Variants in RAD51B observed in about 807,000 individuals in gnomAD.
RAD51B encodes DNA repair protein RAD51 homolog 2.
A neutral mutation model predicts 42.2 loss-of-function variants in RAD51B; 38 were observed. That is an observed-to-expected ratio of 0.90 (90% CI 0.70 to 1.18). RAD51B has a LOEUF of 1.18. Ranked by LOEUF, RAD51B falls within the 50% of genes most tolerant of loss-of-function variation. RAD51B has a pLI of 0.00. For synonymous variants in RAD51B, 154 were observed against 145.2 expected, an observed-to-expected ratio of 1.06 and a Z score of -0.43; for missense variants, 373 against 400.7, an observed-to-expected ratio of 0.93 and a Z score of 0.59.
At chr14:68,321,859 TCC>T (rs1371220639) in intron 8 of RAD51B, among the ~76,000 whole-genome samples, 1 of 152,092 alleles carries the variant, frequency 6.6e-6, no homozygotes, top group Non-Finnish European at 1.5e-5. Flanking sequence ...CCAATTATCC[TCC>T]CACTTCAGCC....
chr14:68,043,128 C>T (rs1478750323), intron 7 of RAD51B, among the ~76,000 whole-genome samples: 2 of 152,098 alleles, frequency 1.3e-5, no homozygotes, highest in African/African-American at 2.4e-5. Flanking sequence ...AGTTTATTTA[C>T]CTAGAGCTTC....
chr14:68,369,693 C>T (rs1453228614), intron 8 of RAD51B, among the ~76,000 whole-genome samples: 1 of 152,166 alleles, frequency 6.6e-6, no homozygotes, highest in Middle Eastern at 3.2e-3. Context: ...AGGTTTCATT[C>T]CAGAGCCTCT....
chr14:68,066,973 GA>G (rs1438043734), intron 7 of RAD51B, among the ~76,000 whole-genome samples: 1 of 151,970 alleles, frequency 6.6e-6, no homozygotes, highest in East Asian at 1.9e-4. Flanking sequence ...AACAAAATGG[GA>G]AAAAATGGAA....
At chr14:68,623,109 G>T (rs554333274) in intron 10 of RAD51B, among the ~76,000 whole-genome samples, 1 of 152,126 alleles carries the variant, frequency 6.6e-6, no homozygotes, top group African/African-American at 2.4e-5. Context: ...GAGGGTGAAG[G>T]GTTCTTGGAA....
intron 7 of RAD51B, among the ~76,000 whole-genome samples, chr14:68,221,329 G>T (rs1337854558): frequency 1.3e-5 from 2 of 152,002 alleles, no homozygotes; most frequent in African/African-American, 4.8e-5. Context: ...CATGGTACTG[G>T]TATAAAAATA....
At chr14:68,006,661 T>C (rs1370017470) in intron 7 of RAD51B, among the ~76,000 whole-genome samples, 1 of 152,138 alleles carries the variant, frequency 6.6e-6, no homozygotes, top group Non-Finnish European at 1.5e-5. Context: ...AATACTTTCA[T>C]AGTATTTAAT....
intron 7 of RAD51B, among the ~76,000 whole-genome samples, chr14:68,234,339 G>A (rs866121885): frequency 5.3e-5 from 8 of 152,188 alleles, no homozygotes; most frequent in South Asian, 2.1e-4. Context: ...GAAGTCCAAT[G>A]GACGACAATA....
chr14:67,840,240 A>G (rs1055296890), intron 4 of RAD51B, among the ~76,000 whole-genome samples: 1 of 152,170 alleles, frequency 6.6e-6, no homozygotes, highest in Non-Finnish European at 1.5e-5. Context: ...GCTACTGAAC[A>G]TAGTCCCCAA....
intron 10 of RAD51B, among the ~76,000 whole-genome samples, chr14:68,590,830 C>T (rs2140076823): frequency 6.6e-6 from 1 of 152,300 alleles, no homozygotes; most frequent in African/African-American, 2.4e-5. Flanking sequence ...ATGATCCACC[C>T]AATGCTGACC....
chr14:68,378,541 C>CAT (rs1435918912), intron 8 of RAD51B, among the ~76,000 whole-genome samples: 1 of 152,168 alleles, frequency 6.6e-6, no homozygotes, highest in East Asian at 1.9e-4. Flanking sequence ...ATAATGTTTG[C>CAT]ATATAACCTA....
intron 7 of RAD51B, among the ~76,000 whole-genome samples, chr14:67,960,800 C>G (rs1241183847): frequency 6.6e-6 from 1 of 151,922 alleles, no homozygotes; most frequent in Non-Finnish European, 1.5e-5. Context: ...TCCCAAGTAG[C>G]TGGAACAACA....
intron 9 of RAD51B, among the ~76,000 whole-genome samples, chr14:68,431,492 G>A (rs1004142497): frequency 1.3e-5 from 2 of 152,180 alleles, no homozygotes; most frequent in East Asian, 1.9e-4. Context: ...GGGTGTATGT[G>A]TCCAGAAATT....
At chr14:68,272,116 T>C (rs2081115096) in intron 7 of RAD51B, among the ~76,000 whole-genome samples, 1 of 152,238 alleles carries the variant, frequency 6.6e-6, no homozygotes, top group South Asian at 2.1e-4. Flanking sequence ...CAGAGGCATT[T>C]CTTCACCACG....
At chr14:68,109,005 A>G (rs985928320) in intron 7 of RAD51B, among the ~76,000 whole-genome samples, 1 of 151,998 alleles carries the variant, frequency 6.6e-6, no homozygotes, top group African/African-American at 2.4e-5. Context: ...TATACAGGCA[A>G]AAACTGATAC....
downstream of RAD51B, among the ~76,000 whole-genome samples, chr14:68,613,391 C>T (rs1462223178): frequency 6.6e-6 from 1 of 150,800 alleles, no homozygotes; most frequent in Non-Finnish European, 1.5e-5. Flanking sequence ...GCACTCCAGC[C>T]TGGGCAACAA....
intron 10 of RAD51B, among the ~76,000 whole-genome samples, chr14:68,523,271 G>C (rs1296385224): frequency 6.6e-6 from 1 of 152,188 alleles, no homozygotes; most frequent in East Asian, 1.9e-4. Context: ...GGAAGCCTGA[G>C]GGCTTTTTTA....
At chr14:68,496,247 GA>G (rs917048063) in intron 10 of RAD51B, among the ~76,000 whole-genome samples, 1 of 152,176 alleles carries the variant, frequency 6.6e-6, no homozygotes, top group African/African-American at 2.4e-5. Context: ...CTATAAAAAG[GA>G]AAAAGTCACC....
intron 7 of RAD51B, among the ~76,000 whole-genome samples, chr14:67,920,241 T>A (rs1157111032): frequency 2.6e-5 from 4 of 152,206 alleles, no homozygotes; most frequent in African/African-American, 9.6e-5. Context: ...CATTGACTTA[T>A]GCCAATAAAG....
intron 8 of RAD51B, among the ~76,000 whole-genome samples, chr14:68,320,244 T>C (rs2082132929): frequency 6.6e-6 from 1 of 152,222 alleles, no homozygotes; most frequent in Admixed American, 6.5e-5. Flanking sequence ...CACACTGCAA[T>C]GCAATAGACG....
Sources: allele counts gnomAD v4.1 joint callset (sites outside exome capture counted in the v4.1 genomes callset), GRCh38; gene constraint gnomAD v4.1.1; transcripts MANE v1.5; gene names NCBI Gene and HGNC (gene_info 2026-07-23, HGNC 2026-07-21).